Variants in SLC24A3 observed in about 807,000 individuals in gnomAD.
SLC24A3 encodes sodium/potassium/calcium exchanger 3.
In SLC24A3, 28 loss-of-function variants were observed where a neutral mutation model predicts 75.8. The ratio of observed to expected loss-of-function variants is 0.37; its 90% CI spans 0.27 to 0.51. The LOEUF is 0.51. Among genes scored for constraint, SLC24A3 ranks in the 20% least tolerant of loss-of-function variants. The probability of loss-of-function intolerance (pLI) is 0.94; values close to 1 mark genes in which losing one functional copy is unlikely to be tolerated. For missense variants in SLC24A3, 663 were observed against 847.8 expected, an observed-to-expected ratio of 0.78 and a Z score of 2.71; for synonymous variants, 372 against 334.1, an observed-to-expected ratio of 1.11 and a Z score of -1.24.
intron 6 of SLC24A3, among the ~76,000 whole-genome samples, chr20:19,613,823 G>T (rs191421592): frequency 2.0e-5 from 3 of 152,308 alleles, no homozygotes; most frequent in Admixed American, 2.0e-4. Context: ...CTTGGTTTGC[G>T]TAGCTGTTGA....
chr20:19,421,835 C>A (rs1289705572), intron 2 of SLC24A3, among the ~76,000 whole-genome samples: 2 of 152,234 alleles, frequency 1.3e-5, no homozygotes, highest in African/African-American at 4.8e-5. Context: ...CTTCTCCCTT[C>A]TGCAAAATGC....
chr20:19,243,888 T>C (rs943702007), intron 1 of SLC24A3: 4 of 152,216 alleles, frequency 2.6e-5, no homozygotes, highest in Non-Finnish European at 5.9e-5. Context: ...TTGATTCAGA[T>C]GACTATGATC....
At chr20:19,391,668 A>G (rs1986369674) in intron 2 of SLC24A3, among the ~76,000 whole-genome samples, 1 of 152,164 alleles carries the variant, frequency 6.6e-6, no homozygotes, top group South Asian at 2.1e-4. Context: ...CTGGCCCAGA[A>G]CACTGCATTT....
chr20:19,477,995 TC>T (rs1370115234), intron 2 of SLC24A3, among the ~76,000 whole-genome samples: 2 of 152,232 alleles, frequency 1.3e-5, no homozygotes, highest in Admixed American at 1.3e-4. Context: ...GGACATCAAT[TC>T]CCCCTTTCGA....
chr20:19,615,209 C>A (rs904307203), intron 6 of SLC24A3, among the ~76,000 whole-genome samples: 1 of 151,928 alleles, frequency 6.6e-6, no homozygotes. Flanking sequence ...AATCAGAGTC[C>A]GGAAGTTGTA....
chr20:19,228,466 T>C (rs1157609741), intron 1 of SLC24A3, among the ~76,000 whole-genome samples: 1 of 152,034 alleles, frequency 6.6e-6, no homozygotes. Context: ...TGTGAAACCT[T>C]GTCTCTACTA....
intron 2 of SLC24A3, among the ~76,000 whole-genome samples, chr20:19,439,860 GGA>G (rs962974856): frequency 2.0e-5 from 3 of 152,204 alleles, no homozygotes; most frequent in African/African-American, 4.8e-5. Flanking sequence ...GGTAAGAAGG[GGA>G]GAGAGAGGTT....
At chr20:19,505,851 C>G (rs1221070137) in intron 2 of SLC24A3, among the ~76,000 whole-genome samples, 1 of 152,164 alleles carries the variant, frequency 6.6e-6, no homozygotes, top group African/African-American at 2.4e-5. Flanking sequence ...GATGAAGGTG[C>G]TTAGTACAAA....
Position 19,654,210 on chromosome 20 carries a change from A to G in SLC24A3, c.687+74A>G, listed in dbSNP as rs562469970. 50 of 1,408,234 alleles carry G rather than the reference A, an allele frequency of 3.6e-5. No homozygotes were observed. The African/African-American group carries it at 6.4e-4, about 18-fold the overall frequency. 87.2% of individuals were successfully genotyped at this position (1,408,234 alleles called of 1,614,324 possible). ...CAGGGGTGGTGTGAGGCTCCTCCAC[A>G]TGGAGTTCACTCGAGGTCACCGGTG... is the stretch of plus-strand genomic sequence containing the variant. On this transcript the variant is annotated intron_variant, in intron 7 of 16. Coordinates refer to ENST00000328041, the MANE Select transcript of SLC24A3 (RefSeq NM_020689.4).
chr20:19,593,037 C>T (rs903496523), intron 6 of SLC24A3, among the ~76,000 whole-genome samples: 9 of 152,092 alleles, frequency 5.9e-5, no homozygotes, highest in Admixed American at 3.9e-4. Context: ...CTCAGATGAT[C>T]CGCCTGCCTC....
intron 13 of SLC24A3, chr20:19,695,783 A>G (rs1464700310): frequency 3.9e-5 from 6 of 152,084 alleles, no homozygotes; most frequent in African/African-American, 1.4e-4. Flanking sequence ...CCAAGACTCC[A>G]TTGCCTATCA....
intron 2 of SLC24A3, among the ~76,000 whole-genome samples, chr20:19,325,763 TAC>T (rs35482874): frequency 0.13 from 9,080 of 69,510 alleles, 927 homozygotes; most frequent in African/African-American, 0.32. Flanking sequence ...TATACATACA[TAC>T]ATATATATAT....
chr20:19,480,304 C>G lies in SLC24A3; in HGVS notation c.272-35184C>G, dbSNP rs138796976. Among the ~76,000 whole-genome samples the G allele has an allele frequency of 1.7e-3, 259 of 152,224 alleles. 1 individual carries two copies. Among genetic ancestry groups the G allele is most frequent in the African/African-American group, 5.8e-3 (241 of 41,524 alleles). On this transcript the variant is annotated intron_variant, in intron 2 of 16. Coordinates refer to ENST00000328041, the MANE Select transcript of SLC24A3 (RefSeq NM_020689.4). ...CTCTGGGGCTGTTTTCTCCTTTGGA[C>G]TAGAGGAGAGGTTCTAATCATTGAT...
At chr20:19,280,486 C>CTGAT (rs1983625561) in intron 1 of SLC24A3, among the ~76,000 whole-genome samples, 1 of 152,138 alleles carries the variant, frequency 6.6e-6, no homozygotes, top group Non-Finnish European at 1.5e-5. Flanking sequence ...CTCAGTGGAG[C>CTGAT]TGATTGTGTC....
intron 2 of SLC24A3, among the ~76,000 whole-genome samples, chr20:19,281,446 G>T (rs1983662411): frequency 1.3e-5 from 2 of 152,192 alleles, no homozygotes; most frequent in Admixed American, 1.3e-4. Flanking sequence ...TCTTTGGCTG[G>T]TTTTTAATCA....
At position 19,474,285 on chromosome 20, in the gene SLC24A3, C is replaced by G. The variant is rs571555333; in HGVS notation, c.272-41203C>G. Among the ~76,000 whole-genome samples, 5 of 152,316 alleles carry G rather than the reference C, an allele frequency of 3.3e-5. No homozygotes were observed. The South Asian group carries it at 1.0e-3, about 32-fold the overall frequency. ...GGCCCTGTGTCCCCCGGGGCTCCCC[C>G]ACTTCCCTGTGCCTGGTATCCAGAG... On this transcript the variant is annotated intron_variant, in intron 2 of 16. Transcript: ENST00000328041.
At chr20:19,705,833 T>C (rs1378189533) in intron 15 of SLC24A3, among the ~76,000 whole-genome samples, 1 of 152,228 alleles carries the variant, frequency 6.6e-6, no homozygotes, top group Non-Finnish European at 1.5e-5. Flanking sequence ...GTTTTACAGA[T>C]TTTGACATTT....
intron 6 of SLC24A3, among the ~76,000 whole-genome samples, chr20:19,631,171 C>G (rs1456683996): frequency 1.3e-5 from 2 of 152,060 alleles, no homozygotes; most frequent in African/African-American, 2.4e-5. Context: ...TGGTGAAACA[C>G]TGTCTACAAA....
At position 19,488,159 on chromosome 20, in the gene SLC24A3, T is replaced by C. The variant is rs943587600; in HGVS notation, c.272-27329T>C. 3.5e-4 allele frequency among the ~76,000 whole-genome samples: 53 copies of C among 152,354 alleles called. 1 individual carries two copies. In the Middle Eastern group the frequency reaches 0.01, roughly 29 times the overall value. On this transcript the variant is annotated intron_variant, in intron 2 of 16. Coordinates refer to ENST00000328041, the MANE Select transcript of SLC24A3 (RefSeq NM_020689.4). ...TAGCGCATTTTATTGTTACTGACTCTGGCATTTTCCCCCCATTGCAGCTAT... is the reference window on the plus strand; with the variant it reads ...TAGCGCATTTTATTGTTACTGACTCCGGCATTTTCCCCCCATTGCAGCTAT...
Sources: gnomAD v4.1 joint callset for allele counts (sites outside exome capture counted in the v4.1 genomes callset) on GRCh38, gnomAD v4.1.1 for gene constraint, MANE v1.5 for transcripts, NCBI Gene and HGNC (gene_info 2026-07-23, HGNC 2026-07-21) for gene names.